CHST11: variants seen among roughly 807,000 people sequenced by gnomAD.
The protein encoded by CHST11 is C4S-1.
Under a neutral mutation model 30.4 loss-of-function variants are expected in CHST11, and 9 were observed. The ratio of observed to expected loss-of-function variants is 0.30; its 90% CI spans 0.18 to 0.52. CHST11 has a LOEUF of 0.52. Among genes scored for constraint, CHST11 ranks in the 20% least tolerant of loss-of-function variants. The pLI is 0.97. For synonymous variants in CHST11, 152 were observed against 187.8 expected, an observed-to-expected ratio of 0.81 and a Z score of 1.56; for missense variants, 348 against 460.6, an observed-to-expected ratio of 0.76 and a Z score of 2.24.
rs2037673262 is a variant in CHST11 at position 104,485,960 on chromosome 12, G to T, written c.118+28431G>T. On this transcript the variant is annotated intron_variant, in intron 1 of 2. Coordinates refer to ENST00000303694, the MANE Select transcript of CHST11 (RefSeq NM_018413.6). Reference sequence around the variant, plus strand: ...GCACGGCCTGCTTGGTTAAAAGCTGGAGCATAAGTCATCGCACCATTCTGT... The same window carrying T: ...GCACGGCCTGCTTGGTTAAAAGCTGTAGCATAAGTCATCGCACCATTCTGT... Among the ~76,000 whole-genome samples the T allele has an allele frequency of 2.0e-5, 3 of 152,332 alleles. No individual in the cohort carries two copies. The South Asian group carries it at 6.2e-4, about 32-fold the overall frequency.
intron 1 of CHST11, among the ~76,000 whole-genome samples, chr12:104,591,078 G>A (rs1272563984): frequency 6.6e-6 from 1 of 152,080 alleles, no homozygotes; most frequent in Non-Finnish European, 1.5e-5. Context: ...GTTGGGAGAG[G>A]GACTCCAGGC....
chr12:104,586,666 T>A (rs182854801), intron 1 of CHST11, among the ~76,000 whole-genome samples: 19 of 152,364 alleles, frequency 1.2e-4, no homozygotes, highest in African/African-American at 7.2e-5. Flanking sequence ...AAGAAAGCAC[T>A]TCGGCATGTT....
chr12:104,576,316 C>T (rs946437249), intron 1 of CHST11, among the ~76,000 whole-genome samples: 11 of 152,150 alleles, frequency 7.2e-5, no homozygotes, highest in Admixed American at 2.6e-4. Context: ...GGGCTGGAAT[C>T]CCTGACACAG....
At position 104,591,735 on chromosome 12, in the gene CHST11, G is replaced by A. The variant is rs181074707; in HGVS notation, c.119-10171G>A. 9 of 153,352 alleles carry A rather than the reference G, an allele frequency of 5.9e-5. No homozygotes were observed. In the East Asian group the frequency reaches 1.2e-3, roughly 21 times the overall value. 9.5% of individuals were successfully genotyped at this position (153,352 alleles called of 1,614,324 possible). On this transcript the variant is annotated intron_variant, in intron 1 of 2. Transcript: ENST00000303694. The stretch of plus-strand genomic sequence containing the variant: ...CTCTTTCCAGATATCTGAGTCAGAC[G>A]TTTTCAAAGCATGCACCATGACCCA...
chr12:104,648,675 G>A (rs954661725), intron 2 of CHST11, among the ~76,000 whole-genome samples: 1 of 152,084 alleles, frequency 6.6e-6, no homozygotes, highest in Non-Finnish European at 1.5e-5. Context: ...TTAGCCAGGT[G>A]TGGTGGTGTG....
Position 104,757,879 on chromosome 12 carries a change from G to A in CHST11, c.*76G>A, listed in dbSNP as rs2040493203. 2.2e-6 allele frequency: 3 copies of A among 1,367,386 alleles called. No homozygotes were observed. Among genetic ancestry groups the A allele is most frequent in the African/African-American group, 1.5e-5 (1 of 68,110 alleles). The allele number at this position is 1,367,386 out of a possible 1,614,324, so 84.7% of individuals were successfully genotyped here. On this transcript the variant is annotated 3_prime_UTR_variant, in exon 3 of 3. Transcript: ENST00000303694. This position sits in a 1 kb window ranked among gnomAD's most constrained non-coding sequence, Gnocchi z 6.5. ...TTGTCAAAAGAATTATATGGATATT[G>A]GGTTATTTTGTAAATTAATATTTCT...
In CHST11 at chr12:104,627,516, A is replaced by G. The variant is rs1404990691; in HGVS notation, c.204+25525A>G. On this transcript the variant is annotated intron_variant, in intron 2 of 2. Transcript: ENST00000303694. ...GCATACTCTCCCCAGAGTCAGACCTACTGGGGCACCAAACCGCAATCAACA... is the reference window on the plus strand; with the variant it reads ...GCATACTCTCCCCAGAGTCAGACCTGCTGGGGCACCAAACCGCAATCAACA... Among the ~76,000 whole-genome samples, 3 of 152,160 alleles carry G rather than the reference A, an allele frequency of 2.0e-5. No individual in the cohort carries two copies. In the East Asian group the frequency reaches 5.8e-4, roughly 29 times the overall value.
At chr12:104,514,177 C>A in intron 1 of CHST11, 1 of 962,280 alleles carries the variant, frequency 1.0e-6, no homozygotes. Context: ...CTCCAGGTGG[C>A]CACATAGGAG....
intron 1 of CHST11, among the ~76,000 whole-genome samples, chr12:104,461,882 G>A (rs762272307): frequency 6.6e-6 from 1 of 151,962 alleles, no homozygotes; most frequent in Non-Finnish European, 1.5e-5. Context: ...TTTAGGAGGT[G>A]GCCAGGTGCG....
At chr12:104,476,678 T>G (rs771938774) in intron 1 of CHST11, among the ~76,000 whole-genome samples, 1 of 152,028 alleles carries the variant, frequency 6.6e-6, no homozygotes. Context: ...TCTTGATAAG[T>G]GTAACCAAAT....
At chr12:104,506,697 C>T (rs570780812) in intron 1 of CHST11, among the ~76,000 whole-genome samples, 2 of 152,180 alleles carry the variant, frequency 1.3e-5, no homozygotes, top group Non-Finnish European at 2.9e-5. Context: ...ATGGAAACTT[C>T]GCAGGAAATG....
chr12:104,506,246 A>AG (rs1490164173), intron 1 of CHST11, among the ~76,000 whole-genome samples: 2 of 152,220 alleles, frequency 1.3e-5, no homozygotes, highest in Admixed American at 6.5e-5. Context: ...CACCTATTGC[A>AG]GGAGTATTTC....
intron 1 of CHST11, among the ~76,000 whole-genome samples, chr12:104,565,319 T>C (rs577340461): frequency 1.7e-4 from 23 of 138,694 alleles, no homozygotes; most frequent in Admixed American, 1.1e-3. Context: ...CAGGCTGGAG[T>C]GCAGTGGCAT....
rs553605688 is a variant in CHST11, at chr12:104,614,750, A to G, written c.204+12759A>G. Among the ~76,000 whole-genome samples the G allele has an allele frequency of 6.0e-4, 91 of 152,022 alleles. 1 individual carries two copies. The highest frequency in any genetic ancestry group is 2.0e-3 in the African/African-American group (83 of 41,436). ...GGTCATCCCGACAGAGCAAAGACACAGGAGGGTGGCACACGGAAGAACAAG... is the reference window on the plus strand; with the variant it reads ...GGTCATCCCGACAGAGCAAAGACACGGGAGGGTGGCACACGGAAGAACAAG... On this transcript the variant is annotated intron_variant, in intron 2 of 2. Coordinates refer to ENST00000303694, the MANE Select transcript of CHST11 (RefSeq NM_018413.6).
At chr12:104,638,342 A>C (rs2039345736) in intron 2 of CHST11, among the ~76,000 whole-genome samples, 1 of 152,076 alleles carries the variant, frequency 6.6e-6, no homozygotes, top group African/African-American at 2.4e-5. Flanking sequence ...GAAGTTGTAC[A>C]ATATGTTCTT....
intron 1 of CHST11, among the ~76,000 whole-genome samples, chr12:104,542,197 G>A (rs1326507882): frequency 1.3e-5 from 2 of 152,178 alleles, no homozygotes; most frequent in South Asian, 2.1e-4. Context: ...TGGTATGGCA[G>A]TTCCCCCAAA....
At chr12:104,587,970 T>A in intron 1 of CHST11, among the ~76,000 whole-genome samples, 1 of 152,094 alleles carries the variant, frequency 6.6e-6, no homozygotes, top group Non-Finnish European at 1.5e-5. Context: ...AAATAAATTG[T>A]TCAATTAAGT....
At chr12:104,457,671 C>G in intron 1 of CHST11, 142 bp downstream of exon 1, 4 of 697,732 alleles carry the variant, frequency 5.7e-6, no homozygotes, top group Non-Finnish European at 1.0e-5. Context: ...GAGCTCCTGG[C>G]TGCCCAGATC....
chr12:104,705,559 T>A (rs2040025004), intron 2 of CHST11, among the ~76,000 whole-genome samples: 1 of 152,008 alleles, frequency 6.6e-6, no homozygotes. Context: ...GGGAGCCGGG[T>A]AATAAACAGA....
Sources: gnomAD v4.1 joint callset for allele counts (sites outside exome capture counted in the v4.1 genomes callset) on GRCh38, gnomAD v4.1.1 for gene constraint, Gnocchi (gnomAD v3.1) non-coding constraint, MANE v1.5 for transcripts, NCBI Gene and HGNC (gene_info 2026-07-23, HGNC 2026-07-21) for gene names.